The following IGF2BP2 variants were observed in gnomAD, a reference collection of about 807,000 sequenced individuals.
IGF2BP2 encodes insulin-like growth factor 2 mRNA-binding protein 2.
In IGF2BP2, 17 loss-of-function variants were observed where a neutral mutation model predicts 75.8. That is an observed-to-expected ratio of 0.22 (90% CI 0.15 to 0.34). The LOEUF is 0.34. Among genes scored for constraint, IGF2BP2 ranks in the 10% least tolerant of loss-of-function variants. The pLI, the probability that IGF2BP2 is intolerant of heterozygous loss-of-function variation, is 1.00. For missense variants in IGF2BP2, 516 were observed against 772.4 expected, an observed-to-expected ratio of 0.67 and a Z score of 3.93; for synonymous variants, 288 against 295.6, an observed-to-expected ratio of 0.97 and a Z score of 0.26.
intron 2 of IGF2BP2, among the ~76,000 whole-genome samples, chr3:185,750,430 A>C (rs1335052361): frequency 6.6e-6 from 1 of 152,180 alleles, no homozygotes; most frequent in Non-Finnish European, 1.5e-5. Context: ...CTGGAATAAC[A>C]CTTGTCCCAT....
intron 2 of IGF2BP2, among the ~76,000 whole-genome samples, chr3:185,723,021 A>G (rs976805365): frequency 6.6e-6 from 1 of 152,186 alleles, no homozygotes; most frequent in South Asian, 2.1e-4. Flanking sequence ...CCTTTGCTAA[A>G]TAAGAGTTGA....
chr3:185,787,334 A>C (rs1736032233), intron 2 of IGF2BP2, among the ~76,000 whole-genome samples: 1 of 152,182 alleles, frequency 6.6e-6, no homozygotes, highest in Non-Finnish European at 1.5e-5. Flanking sequence ...TCACTTAAAG[A>C]AATAAAAAAT....
intron 9 of IGF2BP2, 56 bp downstream of exon 9, chr3:185,675,240 G>T: frequency 1.3e-6 from 2 of 1,563,482 alleles, no homozygotes; most frequent in Non-Finnish European, 1.7e-6. Context: ...TTAGCTGAAT[G>T]GCAAGTATTT....
chr3:185,730,460 G>GTTT (rs1728007709), intron 2 of IGF2BP2, among the ~76,000 whole-genome samples: 1 of 135,394 alleles, frequency 7.4e-6, no homozygotes, highest in Non-Finnish European at 1.6e-5. Flanking sequence ...TTGAGACGGA[G>GTTT]TTTGACTCTT....
intron 2 of IGF2BP2, among the ~76,000 whole-genome samples, chr3:185,820,727 T>G (rs1741268491): frequency 6.6e-6 from 1 of 152,072 alleles, no homozygotes; most frequent in African/African-American, 2.4e-5. Context: ...CCTTAAAAAA[T>G]CTATTTGAGA....
intron 2 of IGF2BP2, among the ~76,000 whole-genome samples, chr3:185,719,783 G>A (rs1421027536): frequency 3.9e-5 from 6 of 152,056 alleles, no homozygotes; most frequent in African/African-American, 7.2e-5. Context: ...GCAGTGAGCC[G>A]AGATCACGCC....
intron 10 of IGF2BP2, among the ~76,000 whole-genome samples, chr3:185,663,030 G>C (rs1022908796): frequency 2.0e-4 from 31 of 152,100 alleles, no homozygotes; most frequent in African/African-American, 7.5e-4. Flanking sequence ...AATGGAAGGG[G>C]GCTTTCAAAT....
At chr3:185,692,198 C>G (rs746667047) in intron 5 of IGF2BP2, among the ~76,000 whole-genome samples, 87 of 152,318 alleles carry the variant, frequency 5.7e-4, no homozygotes, top group Non-Finnish European at 1.1e-3. Context: ...CTCTCGGCTG[C>G]TGCTCTCACT....
chr3:185,743,060 C>T (rs776163786), intron 2 of IGF2BP2, among the ~76,000 whole-genome samples: 3 of 152,046 alleles, frequency 2.0e-5, no homozygotes, highest in Non-Finnish European at 4.4e-5. Context: ...GATCGTGCCA[C>T]TGCACTCCAG....
chr3:185,685,356 T>A (rs1244144378), intron 7 of IGF2BP2, among the ~76,000 whole-genome samples: 1 of 150,792 alleles, frequency 6.6e-6, no homozygotes, highest in Non-Finnish European at 1.5e-5. Flanking sequence ...AAAAAAGGAA[T>A]CCAGAAAAGT....
At chr3:185,664,547 C>T (rs1251133036) in intron 10 of IGF2BP2, among the ~76,000 whole-genome samples, 1 of 152,120 alleles carries the variant, frequency 6.6e-6, no homozygotes, top group Non-Finnish European at 1.5e-5. Flanking sequence ...GTGATTTGAT[C>T]TCCTAGTGAG....
chr3:185,708,420 C>G (rs1447833493), intron 2 of IGF2BP2, among the ~76,000 whole-genome samples: 2 of 152,164 alleles, frequency 1.3e-5, no homozygotes, highest in Admixed American at 6.5e-5. Flanking sequence ...CCAAAAACAT[C>G]TCCAGGAAGG....
Position 185,658,375 on chromosome 3 carries a change from T to A in IGF2BP2, c.1235A>T (p.His412Leu), listed in dbSNP as rs1197509390. 1.2e-6 allele frequency: 2 copies of A among 1,613,776 alleles called. No individual in the cohort carries two copies. The highest frequency in any genetic ancestry group is 1.3e-5 in the African/African-American group (1 of 74,884). ...ATGCGGGAACGGGCCAAACTGGTGATGGGGGTACAGGCTGGAGAAGTATCC... is the reference window on the plus strand; with the variant it reads ...ATGCGGGAACGGGCCAAACTGGTGAAGGGGGTACAGGCTGGAGAAGTATCC... ...HSGYFSSLYPHHQFGPFPHHH... is the reference protein window; with the variant it reads ...HSGYFSSLYPLHQFGPFPHHH... Residue 412 changes from histidine to leucine, a missense_variant, in exon 11 of 16, where the codon CAT becomes CTT. Around this residue, in one of 3 missense-constraint regions of IGF2BP2, gnomAD observed 75 missense variants for 67.4 expected, o/e 1.11. Transcript: ENST00000382199.
At chr3:185,803,857 C>T (rs1156718113) in intron 2 of IGF2BP2, among the ~76,000 whole-genome samples, 1 of 152,242 alleles carries the variant, frequency 6.6e-6, no homozygotes, top group East Asian at 1.9e-4. Context: ...GACGCAGTGG[C>T]TCATGCCTGT....
Position 185,824,755 on chromosome 3 carries a change from G to T in IGF2BP2, c.178+28C>A, listed in dbSNP as rs758094065. On this transcript the variant is annotated intron_variant, in intron 1 of 15. Coordinates refer to ENST00000382199, the MANE Select transcript of IGF2BP2 (RefSeq NM_006548.6). ...GTCCCGGCCTGAGCGGGGCGAGGCG[G>T]GGGGAGGGGGCCGCGCTGAGTGCTC... is the stretch of plus-strand genomic sequence containing the variant. 14 of 1,292,504 alleles carry T rather than the reference G, an allele frequency of 1.1e-5. No individual in the cohort carries two copies. In the South Asian group the frequency reaches 3.6e-4, roughly 33 times the overall value. The allele number at this position is 1,292,504 out of a possible 1,614,324, so 80.1% of individuals were successfully genotyped here.
At chr3:185,662,542 AC>A (rs1350153704) in intron 10 of IGF2BP2, among the ~76,000 whole-genome samples, 6 of 124,372 alleles carry the variant, frequency 4.8e-5, no homozygotes, top group African/African-American at 1.2e-4. Flanking sequence ...CCCTTCCCAT[AC>A]TTTTTTTTTT....
At chr3:185,662,565 A>G (rs1210238021) in intron 10 of IGF2BP2, among the ~76,000 whole-genome samples, 1 of 134,236 alleles carries the variant, frequency 7.4e-6, no homozygotes, top group Non-Finnish European at 1.6e-5. Flanking sequence ...TTTTTTTTTA[A>G]GATGGACTAG....
In IGF2BP2 at chr3:185,647,234, G is replaced by A; in HGVS notation, c.1594-96C>T. ...TGAGGGGCCAAGAGGTGGAGCAGGG[G>A]AAGGAGGGGGGCTGGACTCTGCTCT... is the stretch of plus-strand genomic sequence containing the variant. On this transcript the variant is annotated intron_variant, in intron 14 of 15. Transcript: ENST00000382199. This position sits in a 1 kb window ranked among gnomAD's most constrained non-coding sequence, Gnocchi z 4.9. 1 of 868,964 alleles carries A rather than the reference G, an allele frequency of 1.2e-6. No homozygotes were observed. 53.8% of individuals were successfully genotyped at this position (868,964 alleles called of 1,614,324 possible). A position where few individuals can be genotyped will look rare whatever the true frequency, so the allele number is the denominator to read the frequency against.
At chr3:185,698,163 T>C (rs2149358233) in intron 3 of IGF2BP2, 136 bp downstream of exon 3, 2 of 689,386 alleles carry the variant, frequency 2.9e-6, no homozygotes, top group Non-Finnish European at 5.0e-6. Context: ...TCACATACAT[T>C]AGGGTACTGA....
Sources: allele counts gnomAD v4.1 joint callset (sites outside exome capture counted in the v4.1 genomes callset), GRCh38; gene constraint gnomAD v4.1.1; regional missense constraint gnomAD v4.1.1; non-coding constraint Gnocchi (gnomAD v3.1); transcripts MANE v1.5; gene names NCBI Gene and HGNC (gene_info 2026-07-23, HGNC 2026-07-21).